The following SYK variants were observed in gnomAD, a reference collection of about 807,000 sequenced individuals.
SYK encodes the protein tyrosine-protein kinase SYK.
A neutral mutation model predicts 77.8 loss-of-function variants in SYK; 16 were observed. That is an observed-to-expected ratio of 0.21 (90% confidence interval 0.14 to 0.31). SYK has a LOEUF of 0.31. SYK is among the 10% of genes least tolerant of loss of function. The pLI, the probability that SYK is intolerant of heterozygous loss-of-function variation, is 1.00. For missense variants in SYK, 529 were observed against 814.4 expected (o/e 0.65, Z 4.26); for synonymous variants, 312 against 308.7 (o/e 1.01, Z -0.11).
chr9:90,883,318 G>A (rs888795860), intron 11 of SYK, among the ~76,000 whole-genome samples: 1 of 152,076 alleles, frequency 6.6e-6, no homozygotes, highest in South Asian at 2.1e-4. Flanking sequence ...CATAGCCAGC[G>A]CCATTCTGAG....
At chr9:90,834,201 T>TGCACACACATGCAC (rs1411353646) in intron 1 of SYK, among the ~76,000 whole-genome samples, 2 of 152,086 alleles carry the variant, frequency 1.3e-5, no homozygotes, top group African/African-American at 2.4e-5. Flanking sequence ...CACACATGTG[T>TGCACACACATGCAC]GCACACACAT....
intron 1 of SYK, among the ~76,000 whole-genome samples, chr9:90,817,551 T>C (rs1213030920): frequency 1.3e-5 from 2 of 152,186 alleles, no homozygotes; most frequent in Non-Finnish European, 2.9e-5. Flanking sequence ...CATTGTTTTT[T>C]GTTTTTTGTT....
chr9:90,839,319 A>G (rs1301096272), intron 1 of SYK, among the ~76,000 whole-genome samples: 1 of 152,084 alleles, frequency 6.6e-6, no homozygotes, highest in African/African-American at 2.4e-5. Flanking sequence ...ACCCAGGTCA[A>G]CTCCGGCACA....
chr9:90,854,319 G>A (rs1826937642), intron 3 of SYK, among the ~76,000 whole-genome samples: 2 of 152,196 alleles, frequency 1.3e-5, no homozygotes, highest in African/African-American at 2.4e-5. Context: ...GCTGGGCTGT[G>A]ATCAGGCCCA....
intron 9 of SYK, among the ~76,000 whole-genome samples, chr9:90,876,420 TACAC>T (rs1827935305): frequency 6.6e-6 from 1 of 152,116 alleles, no homozygotes. Flanking sequence ...CACACAAACA[TACAC>T]ACATATGTAT....
chr9:90,840,897 A>T (rs945059555), intron 1 of SYK, among the ~76,000 whole-genome samples: 4 of 152,214 alleles, frequency 2.6e-5, no homozygotes, highest in Non-Finnish European at 5.9e-5. Flanking sequence ...GTCTGGGGAA[A>T]ACTCTGTCGC....
At chr9:90,842,653 T>C (rs555004987) in intron 1 of SYK, among the ~76,000 whole-genome samples, 1 of 151,540 alleles carries the variant, frequency 6.6e-6, no homozygotes, top group Admixed American at 6.6e-5. Flanking sequence ...TTGGTGTGTG[T>C]GATGTGCATA....
At position 90,888,252 on chromosome 9, in the gene SYK, T is replaced by A. The variant is rs1828652575; in HGVS notation, c.1723-263T>A. 2.0e-5 allele frequency among the ~76,000 whole-genome samples: 3 copies of A among 152,052 alleles called. No homozygotes were observed. The South Asian group carries it at 6.2e-4, about 32-fold the overall frequency. ...CAACTCTTAGCATGCAGTACAGTGG[T>A]TTTCCACAAATGAAACATACCCATG... On this transcript the variant is annotated intron_variant, in intron 12 of 13. Transcript: ENST00000375754.
chr9:90,888,439 T>C (rs1254415507), intron 12 of SYK, 76 bp from the exon 13 acceptor site: 3 of 1,023,722 alleles, frequency 2.9e-6, no homozygotes, highest in Non-Finnish European at 4.3e-6. Flanking sequence ...CCTTCATGTC[T>C]TGGAGTGGCT....
chr9:90,845,293 G>A (rs1826544080), intron 2 of SYK, 141 bp from the exon 3 acceptor site: 5 of 876,042 alleles, frequency 5.7e-6, no homozygotes, highest in Non-Finnish European at 8.6e-6. Flanking sequence ...GGTCTTTCTG[G>A]TTTTATTTAC....
At position 90,844,235 on chromosome 9, in the gene SYK, G is replaced by C. The variant is rs1229812218; in HGVS notation, c.337G>C (p.Val113Leu). ...GAAGCCCTTCAACCGGCCCCAAGGG[G>C]TGCAGCCCAAGACTGGGCCCTTTGA... ...LKKPFNRPQG[V>L]QPKTGPFEDL... is the part of the protein sequence containing the mutation. The change falls in exon 2 of 14, where the codon GTG becomes CTG. Residue 113 changes from valine to leucine, a missense_variant. Val to Leu is a conservative substitution (Grantham distance 32). This residue lies in a region of SYK where 321 missense variants were observed against 433.1 expected (regional missense o/e 0.74). Transcript: ENST00000375754. 1 of 1,614,230 alleles carries C rather than the reference G, an allele frequency of 6.2e-7. No homozygotes were observed. The highest frequency in any genetic ancestry group is 2.2e-5 in the East Asian group (1 of 44,880).
chr9:90,842,870 C>G (rs920951814), intron 1 of SYK, among the ~76,000 whole-genome samples: 4 of 151,870 alleles, frequency 2.6e-5, no homozygotes, highest in African/African-American at 9.7e-5. Context: ...CATTCACGAC[C>G]AGCCCCTTTT....
At chr9:90,852,194 G>T (rs1587862637) in intron 3 of SYK, among the ~76,000 whole-genome samples, 1 of 152,062 alleles carries the variant, frequency 6.6e-6, no homozygotes, top group East Asian at 1.9e-4. Flanking sequence ...TAGAATCCTT[G>T]TCAAATTTGG....
intron 1 of SYK, among the ~76,000 whole-genome samples, chr9:90,815,539 C>T (rs937460594): frequency 6.6e-6 from 1 of 152,238 alleles, no homozygotes; most frequent in African/African-American, 2.4e-5. Context: ...TTCAGCCTGA[C>T]TCCAGGAAGT....
intron 11 of SYK, among the ~76,000 whole-genome samples, chr9:90,882,093 A>T (rs952402304): frequency 2.0e-5 from 3 of 152,266 alleles, no homozygotes; most frequent in African/African-American, 7.2e-5. Context: ...TTTTATGACC[A>T]GAAAAAAGTA....
Position 90,874,723 on chromosome 9 carries a change from A to G in SYK, c.1055A>G (p.Tyr352Cys). 1 of 1,614,132 alleles carries G rather than the reference A, an allele frequency of 6.2e-7. No individual in the cohort carries two copies. Among genetic ancestry groups the G allele is most frequent in the Non-Finnish European group, 8.5e-7 (1 of 1,180,018 alleles). ...PMDTEVYESPYADPEEIRPKE... is the reference protein window; with the variant it reads ...PMDTEVYESPCADPEEIRPKE... ...GACACAGAGGTGTACGAGAGCCCCT[A>G]CGCGGACCCCGAGGAGATCAGGCCC... Residue 352 changes from tyrosine (Y) to cysteine (C), a missense_variant, in exon 9 of 14, where the codon TAC becomes TGC. Around this residue, in one of 2 missense-constraint regions of SYK, gnomAD observed 208 missense variants for 381.3 expected, o/e 0.55. Transcript: ENST00000375754.
rs1323507654 is a variant in SYK, at chr9:90,877,840, T to C, written c.1391+60T>C. 12 of 1,572,186 alleles carry C rather than the reference T, an allele frequency of 7.6e-6. No individual in the cohort carries two copies. In the South Asian group the frequency reaches 1.4e-4, roughly 18 times the overall value. ...TCCCCTAAGGGACAGGGCCCACCCC[T>C]GGATGGGCCGAGCAGCCTGATTTCC... is the stretch of plus-strand genomic sequence containing the variant. On this transcript the variant is annotated intron_variant, in intron 10 of 13. Transcript: ENST00000375754.
At position 90,884,396 on chromosome 9, in the gene SYK, T is replaced by TAC. The variant is rs747544060; in HGVS notation, c.1582-3349_1582-3348dup. Among the ~76,000 whole-genome samples, 236 of 34,148 alleles carry TAC rather than the reference T, an allele frequency of 6.9e-3. 64 individuals carry two copies. Among genetic ancestry groups the TAC allele is most frequent in the Admixed American group, 0.017 (41 of 2,422 alleles). The allele number at this position is 34,148 out of a possible 152,430, so 22.4% of individuals were successfully genotyped here. Reference sequence around the variant, plus strand: ...ACACATACGTGTATATATGCATACATACACATATGTGTATATATACATACA... The same window carrying TAC: ...ACACATACGTGTATATATGCATACATACACACATATGTGTATATATACATACA... On this transcript the variant is annotated intron_variant, in intron 11 of 13. Coordinates refer to ENST00000375754, the MANE Select transcript of SYK (RefSeq NM_003177.7).
chr9:90,879,084 T>C (rs1828052036), intron 11 of SYK, 131 bp downstream of exon 11: 2 of 602,996 alleles, frequency 3.3e-6, no homozygotes, highest in Non-Finnish European at 5.7e-6. Flanking sequence ...CTATGTAAGA[T>C]ATGTTCTTAT....
Sources: allele counts gnomAD v4.1 joint callset (sites outside exome capture counted in the v4.1 genomes callset), GRCh38; gene constraint gnomAD v4.1.1; regional missense constraint gnomAD v4.1.1; transcripts MANE v1.5; gene names NCBI Gene and HGNC (gene_info 2026-07-23, HGNC 2026-07-21).